ATP13A5: variants seen among roughly 807,000 people sequenced by gnomAD.
ATP13A5 encodes the protein ATPase 13A5.
Under a neutral mutation model 150.2 loss-of-function variants are expected in ATP13A5, and 149 were observed. That is an observed-to-expected ratio of 0.99 (90% confidence interval 0.87 to 1.14). The LOEUF (loss-of-function observed/expected upper bound fraction) is 1.14. ATP13A5 is among the 50% of genes most tolerant of loss of function. The pLI, the probability that ATP13A5 is intolerant of heterozygous loss-of-function variation, is 0.00. For synonymous variants in ATP13A5, 497 were observed against 522.2 expected (o/e 0.95, Z 0.66); for missense variants, 1,383 against 1,449.3 (o/e 0.95, Z 0.74).
Position 193,345,049 on chromosome 3 carries a change from CA to C in ATP13A5, c.767del (p.Val256GlyfsTer13). The C allele has an allele frequency of 6.2e-7, 1 of 1,613,696 alleles. No individual in the cohort carries two copies. ...TAACCTGGACTTTGTTGTGGTCCTC[CA>C]CGAGGTTATGCAGCTTAACTGATTG... ...RQQSVKLHNL[V>X]EDHNKVQVTI... On this transcript the variant is annotated frameshift_variant, in exon 8 of 30. Transcript: ENST00000342358. LOFTEE classifies it high-confidence loss of function.
At chr3:193,350,558 G>A (rs761121172) in intron 7 of ATP13A5, among the ~76,000 whole-genome samples, 5 of 151,982 alleles carry the variant, frequency 3.3e-5, no homozygotes, top group African/African-American at 4.8e-5. Context: ...TGGGATTTCC[G>A]TAAAGATATA....
intron 1 of ATP13A5, among the ~76,000 whole-genome samples, chr3:193,374,937 C>T (rs566936306): frequency 6.6e-6 from 1 of 152,274 alleles, no homozygotes; most frequent in South Asian, 2.1e-4. Context: ...GCCCTTTTAC[C>T]TTCCACCATG....
intron 29 of ATP13A5, 25 bp from the exon 30 acceptor site, chr3:193,275,327 T>A: frequency 1.2e-6 from 2 of 1,608,666 alleles, no homozygotes; most frequent in Non-Finnish European, 1.7e-6. Flanking sequence ...GGGAAAACAA[T>A]CAATTTATTG....
intron 19 of ATP13A5, chr3:193,313,745 TCAGCCATGA>T (rs1361654853): frequency 3.2e-6 from 1 of 316,246 alleles, no homozygotes; most frequent in Non-Finnish European, 5.8e-6. Context: ...TCAGTAGTTC[TCAGCCATGA>T]CTGCACACTG....
At chr3:193,342,401 G>A (rs1712162614) in intron 9 of ATP13A5, among the ~76,000 whole-genome samples, 1 of 152,158 alleles carries the variant, frequency 6.6e-6, no homozygotes, top group Admixed American at 6.5e-5. Context: ...GTGCAATAAA[G>A]TATTTAGACC....
chr3:193,315,032 C>A lies in ATP13A5; in HGVS notation c.2098G>T (p.Glu700Ter), dbSNP rs1385233201. The A allele has an allele frequency of 1.2e-6, 2 of 1,612,414 alleles. No individual in the cohort carries two copies. The highest frequency in any genetic ancestry group is 4.5e-5 in the East Asian group (2 of 44,774). ...LLIMENRLKK[E>*]TKLVLKELSE... ...AGTTCCTTCAAGACCAGTTTGGTTT[C>A]TTTTTTCAAGCGATTCTCCATGATG... is the stretch of plus-strand genomic sequence containing the variant. Residue 700 changes from glutamate (E) to a stop codon, truncating the protein, a stop_gained, in exon 18 of 30, where the codon GAA becomes TAA. Coordinates refer to ENST00000342358, the MANE Select transcript of ATP13A5 (RefSeq NM_198505.4). LOFTEE classifies it high-confidence loss of function.
chr3:193,367,864 T>C (rs1046336580), intron 1 of ATP13A5, among the ~76,000 whole-genome samples: 1 of 152,124 alleles, frequency 6.6e-6, no homozygotes, highest in African/African-American at 2.4e-5. Context: ...AGTGAATATT[T>C]TCCCACTTAA....
At chr3:193,286,772 G>A (rs1717740447) in intron 26 of ATP13A5, among the ~76,000 whole-genome samples, 2 of 152,068 alleles carry the variant, frequency 1.3e-5, no homozygotes, top group South Asian at 4.1e-4. Context: ...AGAGTCACGT[G>A]TCTCTCTCTT....
intron 10 of ATP13A5, among the ~76,000 whole-genome samples, chr3:193,334,166 A>G (rs1032082756): frequency 6.6e-6 from 1 of 152,234 alleles, no homozygotes; most frequent in African/African-American, 2.4e-5. Context: ...ATTTTAAAAA[A>G]TCAGCTAGAA....
chr3:193,363,212 C>T (rs1229507386), intron 3 of ATP13A5, 24 bp downstream of exon 3: 3 of 1,608,710 alleles, frequency 1.9e-6, no homozygotes, highest in African/African-American at 2.7e-5. Flanking sequence ...ACATGCATAA[C>T]ACCATACCCT....
At chr3:193,353,318 TA>T (rs5855482) in intron 6 of ATP13A5, among the ~76,000 whole-genome samples, 3 of 148,400 alleles carry the variant, frequency 2.0e-5, no homozygotes, top group Non-Finnish European at 3.0e-5. Flanking sequence ...AGGTAAGCAT[TA>T]AAAAAAAAAA....
intron 9 of ATP13A5, among the ~76,000 whole-genome samples, chr3:193,340,981 C>T (rs1025346891): frequency 2.0e-5 from 3 of 152,128 alleles, no homozygotes; most frequent in Admixed American, 1.3e-4. Context: ...TCAGCTGTGC[C>T]ACTTCTAAGC....
intron 9 of ATP13A5, among the ~76,000 whole-genome samples, chr3:193,339,911 C>T (rs1712049458): frequency 6.6e-6 from 1 of 152,112 alleles, no homozygotes; most frequent in African/African-American, 2.4e-5. Flanking sequence ...ATTGATCAAT[C>T]AGTAATGGAA....
chr3:193,307,636 A>G (rs1004601445), intron 21 of ATP13A5, among the ~76,000 whole-genome samples: 4 of 152,228 alleles, frequency 2.6e-5, no homozygotes, highest in African/African-American at 9.6e-5. Flanking sequence ...TGCACACTTT[A>G]AAAGAAGTCC....
chr3:193,321,609 G>A, intron 16 of ATP13A5, 72 bp downstream of exon 16: 4 of 1,532,658 alleles, frequency 2.6e-6, no homozygotes, highest in Non-Finnish European at 3.6e-6. Context: ...CCAGCCTTGG[G>A]GACAGAGCAA....
chr3:193,324,944 T>C lies in ATP13A5; in HGVS notation c.1594A>G (p.Ser532Gly). Residue 532 changes from serine (S) to glycine (G), a missense_variant, in exon 14 of 30, where the codon AGC becomes GGC. Around this residue, in one of 3 missense-constraint regions of ATP13A5, gnomAD observed 787 missense variants for 771.9 expected, o/e 1.02. Transcript: ENST00000342358. Reference protein sequence around the residue: ...PWSPLCAAMASCHSLILLNGT... With the variant: ...PWSPLCAAMAGCHSLILLNGT... The stretch of plus-strand genomic sequence containing the variant: ...TTGAGAAGGATCAGAGAGTGGCAGC[T>C]GGCCATGGCCGCACACAGTGGGCTC... The C allele has an allele frequency of 6.2e-7, 1 of 1,610,412 alleles. No homozygotes were observed. Among genetic ancestry groups the C allele is most frequent in the Non-Finnish European group, 8.5e-7 (1 of 1,178,896 alleles).
intron 1 of ATP13A5, among the ~76,000 whole-genome samples, chr3:193,364,629 G>T (rs1713173585): frequency 6.6e-6 from 1 of 151,786 alleles, no homozygotes; most frequent in Non-Finnish European, 1.5e-5. Context: ...TTTAAACATT[G>T]TTATGTTTAA....
At chr3:193,374,012 A>G (rs1713543786) in intron 1 of ATP13A5, among the ~76,000 whole-genome samples, 1 of 152,156 alleles carries the variant, frequency 6.6e-6, no homozygotes, top group South Asian at 2.1e-4. Context: ...ACTGATATGA[A>G]TGAAGCAGCA....
At chr3:193,373,319 T>G (rs990252447) in intron 1 of ATP13A5, among the ~76,000 whole-genome samples, 1 of 152,052 alleles carries the variant, frequency 6.6e-6, no homozygotes, top group Non-Finnish European at 1.5e-5. Flanking sequence ...TTTTCTTTTA[T>G]TTTTAGTAGA....
Sources: gnomAD v4.1 joint callset for allele counts (sites outside exome capture counted in the v4.1 genomes callset) on GRCh38, gnomAD v4.1.1 for gene constraint, gnomAD v4.1.1 regional missense constraint, MANE v1.5 for transcripts, NCBI Gene and HGNC (gene_info 2026-07-23, HGNC 2026-07-21) for gene names.